The following RALYL variants were observed in gnomAD, a reference collection of about 807,000 sequenced individuals.
The protein encoded by RALYL is RALY RNA binding protein like, also known as RNA-binding Raly-like protein.
In RALYL, 29 loss-of-function variants were observed where a neutral mutation model predicts 35.1. The observed-to-expected ratio is 0.83, with a 90% confidence interval of 0.61 to 1.13. The LOEUF is 1.13. Ranked by LOEUF, RALYL falls within the 50% of genes most tolerant of loss-of-function variation. RALYL has a pLI of 0.00. For synonymous variants in RALYL, 120 were observed against 127.6 expected, an observed-to-expected ratio of 0.94 and a Z score of 0.40; for missense variants, 359 against 360.4, an observed-to-expected ratio of 1.00 and a Z score of 0.03.
At chr8:84,295,437 G>A (rs1266791007) in intron 1 of RALYL, among the ~76,000 whole-genome samples, 3 of 152,110 alleles carry the variant, frequency 2.0e-5, no homozygotes, top group Admixed American at 6.6e-5. Flanking sequence ...TAGAGACAGT[G>A]AGGAATGGTT....
intron 2 of RALYL, among the ~76,000 whole-genome samples, chr8:84,557,047 C>T (rs1290401753): frequency 6.6e-6 from 1 of 152,138 alleles, no homozygotes; most frequent in Admixed American, 6.6e-5. Context: ...TAATTGGTAA[C>T]ATTTTTACAA....
intron 2 of RALYL, 77 bp downstream of exon 2, chr8:84,529,654 C>A (rs1460545772): frequency 1.5e-6 from 2 of 1,345,710 alleles, no homozygotes; most frequent in Admixed American, 2.1e-5. Flanking sequence ...AAACCCAACA[C>A]CACTGTTGTT....
intron 1 of RALYL, among the ~76,000 whole-genome samples, chr8:84,198,798 C>T (rs931344355): frequency 6.6e-6 from 1 of 152,146 alleles, no homozygotes; most frequent in Non-Finnish European, 1.5e-5. Flanking sequence ...GCCTCCAGTT[C>T]CATCCATGTT....
intron 1 of RALYL, among the ~76,000 whole-genome samples, chr8:84,250,023 T>C (rs1829874292): frequency 1.3e-5 from 2 of 152,034 alleles, no homozygotes; most frequent in East Asian, 1.9e-4. Flanking sequence ...CTAATTTTAT[T>C]CGTGTTTCAG....
In RALYL at chr8:84,549,146, G is replaced by A. The variant is rs137942808; in HGVS notation, c.256+19569G>A. ...AGCTATGCTATGTAGACCTTGCAGC[G>A]GGTAATAATTTCTCTCCATGTGCTT... On this transcript the variant is annotated intron_variant, in intron 2 of 8. Coordinates refer to ENST00000521268, the MANE Select transcript of RALYL (RefSeq NM_173848.7). 4.5e-4 allele frequency among the ~76,000 whole-genome samples: 68 copies of A among 152,214 alleles called. 1 individual carries two copies. In the Middle Eastern group the frequency reaches 0.027, roughly 61 times the overall value.
At chr8:84,377,126 A>T (rs1857057370) in intron 1 of RALYL, among the ~76,000 whole-genome samples, 1 of 151,878 alleles carries the variant, frequency 6.6e-6, no homozygotes, top group Non-Finnish European at 1.5e-5. Flanking sequence ...TTATTAAAAA[A>T]TTTTACATGT....
intron 8 of RALYL, among the ~76,000 whole-genome samples, chr8:84,889,322 G>C (rs978899828): frequency 6.6e-6 from 1 of 152,114 alleles, no homozygotes; most frequent in Non-Finnish European, 1.5e-5. Flanking sequence ...TACACTCCTT[G>C]AGCTCTCTGG....
At chr8:84,823,676 C>T (rs1320721437) in intron 4 of RALYL, among the ~76,000 whole-genome samples, 1 of 152,026 alleles carries the variant, frequency 6.6e-6, no homozygotes, top group African/African-American at 2.4e-5. Context: ...CTCCTTGACA[C>T]CTCTTTATTT....
chr8:84,227,017 A>AT (rs1032471031), intron 1 of RALYL, among the ~76,000 whole-genome samples: 1 of 75,216 alleles, frequency 1.3e-5, no homozygotes, highest in Non-Finnish European at 3.0e-5. Context: ...ACATGTTTAT[A>AT]TTTTTTTCTG....
chr8:84,481,441 T>C (rs776850249), intron 1 of RALYL, among the ~76,000 whole-genome samples: 1 of 152,006 alleles, frequency 6.6e-6, no homozygotes, highest in Non-Finnish European at 1.5e-5. Flanking sequence ...GTGATCCTAA[T>C]AATTCAGCTT....
At chr8:84,824,262 C>CAA (rs34410756) in intron 4 of RALYL, among the ~76,000 whole-genome samples, 54,243 of 147,836 alleles carry the variant, frequency 0.37, 11,599 homozygotes, top group South Asian at 0.55. Flanking sequence ...ACAATAGCTG[C>CAA]AAAAAAAAAA....
chr8:84,507,588 C>G (rs1172621692), intron 1 of RALYL, among the ~76,000 whole-genome samples: 3 of 152,044 alleles, frequency 2.0e-5, no homozygotes, highest in African/African-American at 7.2e-5. Context: ...TCATTAAGCA[C>G]GTAGAGTTTT....
At chr8:84,423,058 A>G (rs1192172601) in intron 1 of RALYL, among the ~76,000 whole-genome samples, 2 of 150,296 alleles carry the variant, frequency 1.3e-5, no homozygotes, top group African/African-American at 4.9e-5. Context: ...GTAGATGTCT[A>G]TTAGGTCTGC....
intron 1 of RALYL, among the ~76,000 whole-genome samples, chr8:84,507,556 A>T (rs1374093060): frequency 6.6e-6 from 1 of 152,168 alleles, no homozygotes; most frequent in Non-Finnish European, 1.5e-5. Context: ...TTAATTTGCC[A>T]TCAAGTATAA....
chr8:84,726,383 G>T (rs1341381968), intron 2 of RALYL, among the ~76,000 whole-genome samples: 3 of 148,576 alleles, frequency 2.0e-5, no homozygotes, highest in Non-Finnish European at 3.0e-5. Flanking sequence ...TACAGATAAT[G>T]GTTGAAAATT....
At chr8:84,364,075 G>A (rs965169603) in intron 1 of RALYL, among the ~76,000 whole-genome samples, 1 of 152,042 alleles carries the variant, frequency 6.6e-6, no homozygotes, top group African/African-American at 2.4e-5. Flanking sequence ...TGCAAACTTA[G>A]GTATCCCCAA....
At chr8:84,256,039 G>A (rs924709540) in intron 1 of RALYL, among the ~76,000 whole-genome samples, 1 of 152,078 alleles carries the variant, frequency 6.6e-6, no homozygotes, top group South Asian at 2.1e-4. Flanking sequence ...TAAACAATTT[G>A]CACAATTACA....
chr8:84,520,525 A>G (rs936537690), intron 1 of RALYL, among the ~76,000 whole-genome samples: 5 of 152,176 alleles, frequency 3.3e-5, no homozygotes, highest in African/African-American at 9.7e-5. Flanking sequence ...GATTGGATAC[A>G]TAGACATTCT....
At chr8:84,331,776 T>G (rs1175384995) in intron 1 of RALYL, among the ~76,000 whole-genome samples, 1 of 151,922 alleles carries the variant, frequency 6.6e-6, no homozygotes, top group Non-Finnish European at 1.5e-5. Flanking sequence ...TTTCCATAAA[T>G]TCTGAAATGC....
Sources: gnomAD v4.1 joint callset for allele counts (sites outside exome capture counted in the v4.1 genomes callset) on GRCh38, gnomAD v4.1.1 for gene constraint, MANE v1.5 for transcripts, NCBI Gene and HGNC (gene_info 2026-07-23, HGNC 2026-07-21) for gene names.